Variants in HS3ST5 observed in about 807,000 individuals in gnomAD.
HS3ST5 encodes heparan sulfate glucosamine 3-O-sulfotransferase 5.
In HS3ST5, 10 loss-of-function variants were observed where a neutral mutation model predicts 25.4. The observed-to-expected ratio is 0.39, with a 90% CI of 0.24 to 0.67. HS3ST5 has a LOEUF of 0.67. Among genes scored for constraint, HS3ST5 ranks in the 30% least tolerant of loss-of-function variants. The pLI is 0.44. For synonymous variants in HS3ST5, 170 were observed against 162.4 expected, an observed-to-expected ratio of 1.05 and a Z score of -0.36; for missense variants, 324 against 420.7, an observed-to-expected ratio of 0.77 and a Z score of 2.01.
At chr6:114,288,768 A>T (rs368773336) in intron 1 of HS3ST5, among the ~76,000 whole-genome samples, 1 of 152,064 alleles carries the variant, frequency 6.6e-6, no homozygotes. Flanking sequence ...CCCAGAAATG[A>T]TTAGATGTTA....
chr6:114,229,839 C>G (rs1407932468), intron 1 of HS3ST5, among the ~76,000 whole-genome samples: 1 of 152,176 alleles, frequency 6.6e-6, no homozygotes, highest in Non-Finnish European at 1.5e-5. Context: ...ATGTAAAAGA[C>G]AATGGAAGTC....
chr6:114,114,065 A>G (rs1776400461), intron 3 of HS3ST5, among the ~76,000 whole-genome samples: 1 of 152,134 alleles, frequency 6.6e-6, no homozygotes, highest in African/African-American at 2.4e-5. Context: ...TTCTGCCATT[A>G]CAATGACAAG....
intron 3 of HS3ST5, among the ~76,000 whole-genome samples, chr6:114,137,291 C>G (rs919179099): frequency 2.0e-5 from 3 of 152,160 alleles, no homozygotes; most frequent in Non-Finnish European, 4.4e-5. Flanking sequence ...GGCTTTAACA[C>G]TTGGATACTA....
intron 3 of HS3ST5, among the ~76,000 whole-genome samples, chr6:114,099,006 C>A (rs1463866061): frequency 6.6e-6 from 1 of 151,950 alleles, no homozygotes; most frequent in Admixed American, 6.6e-5. Flanking sequence ...AATATATACC[C>A]GAAGTTAAAT....
intron 3 of HS3ST5, among the ~76,000 whole-genome samples, chr6:114,144,663 A>T (rs1778067817): frequency 6.6e-6 from 1 of 152,178 alleles, no homozygotes; most frequent in African/African-American, 2.4e-5. Context: ...AACATATTTT[A>T]ACCCCTGCTG....
chr6:114,070,613 G>A (rs957825557), intron 3 of HS3ST5, among the ~76,000 whole-genome samples: 3 of 152,130 alleles, frequency 2.0e-5, no homozygotes, highest in Admixed American at 6.6e-5. Flanking sequence ...GCTGGTCTTT[G>A]TAAGATCTTG....
chr6:114,154,936 C>T (rs902003114), intron 3 of HS3ST5, among the ~76,000 whole-genome samples: 7 of 152,120 alleles, frequency 4.6e-5, no homozygotes, highest in Admixed American at 6.6e-5. Context: ...TTATCTTTCC[C>T]GATTGCTCTG....
At chr6:114,105,872 G>T (rs902954629) in intron 3 of HS3ST5, among the ~76,000 whole-genome samples, 3 of 152,110 alleles carry the variant, frequency 2.0e-5, no homozygotes, top group Admixed American at 2.0e-4. Context: ...AACTACCTTA[G>T]ATCAAATTAA....
At chr6:114,236,688 G>A (rs989785696) in intron 1 of HS3ST5, among the ~76,000 whole-genome samples, 14 of 152,160 alleles carry the variant, frequency 9.2e-5, no homozygotes, top group Admixed American at 4.6e-4. Flanking sequence ...ATCTACTATC[G>A]TTTTCATTTA....
At chr6:114,185,063 G>T (rs915150184) in intron 2 of HS3ST5, among the ~76,000 whole-genome samples, 16 of 152,154 alleles carry the variant, frequency 1.1e-4, no homozygotes, top group Non-Finnish European at 2.2e-4. Flanking sequence ...ATGATATTTA[G>T]ATGATGTCCT....
intron 1 of HS3ST5, among the ~76,000 whole-genome samples, chr6:114,281,156 T>C (rs1256647898): frequency 6.6e-6 from 1 of 152,052 alleles, no homozygotes; most frequent in African/African-American, 2.4e-5. Flanking sequence ...TCTCCATCTC[T>C]GATCCCTTCC....
At chr6:114,215,087 C>T (rs1439489162) in intron 2 of HS3ST5, among the ~76,000 whole-genome samples, 3 of 152,032 alleles carry the variant, frequency 2.0e-5, no homozygotes, top group Non-Finnish European at 4.4e-5. Flanking sequence ...GGGCAGATCA[C>T]GAGGTCAGGA....
intron 4 of HS3ST5, among the ~76,000 whole-genome samples, chr6:114,060,285 T>C (rs1269034446): frequency 6.6e-6 from 1 of 152,148 alleles, no homozygotes; most frequent in Non-Finnish European, 1.5e-5. Context: ...GTGCTGGGAT[T>C]ACAGGCGTGA....
At chr6:114,215,051 A>G (rs1251340692) in intron 2 of HS3ST5, among the ~76,000 whole-genome samples, 2 of 152,122 alleles carry the variant, frequency 1.3e-5, no homozygotes, top group Non-Finnish European at 2.9e-5. Context: ...CATGCCTGTA[A>G]TCCCAGCAGT....
rs543185092 is a variant in HS3ST5 at position 114,244,235 on chromosome 6, C to T, written c.-338-15457G>A. ...ATTCACTATTATTTTTTAGCAATAC[C>T]ATCTCTCTTAGATTGGTGTTTGTGG... is the stretch of plus-strand genomic sequence containing the variant. On this transcript the variant is annotated intron_variant, in intron 1 of 4. Coordinates refer to ENST00000312719, the MANE Select transcript of HS3ST5 (RefSeq NM_153612.4). 1.5e-3 allele frequency among the ~76,000 whole-genome samples: 227 copies of T among 152,198 alleles called. 1 individual carries two copies. Among genetic ancestry groups the T allele is most frequent in the African/African-American group, 5.4e-3 (223 of 41,514 alleles).
chr6:114,153,676 T>C (rs1052059461), intron 3 of HS3ST5, among the ~76,000 whole-genome samples: 1 of 152,202 alleles, frequency 6.6e-6, no homozygotes, highest in African/African-American at 2.4e-5. Context: ...GTAAAAAACG[T>C]AAGTAATTTT....
At chr6:114,216,291 G>T (rs781468667) in intron 2 of HS3ST5, among the ~76,000 whole-genome samples, 1 of 152,198 alleles carries the variant, frequency 6.6e-6, no homozygotes, top group African/African-American at 2.4e-5. Flanking sequence ...ACTTGCAGCA[G>T]TCTCTTCTCA....
intron 2 of HS3ST5, among the ~76,000 whole-genome samples, chr6:114,220,308 A>T (rs1021189033): frequency 6.6e-6 from 1 of 151,972 alleles, no homozygotes; most frequent in Non-Finnish European, 1.5e-5. Flanking sequence ...TAATTATTTA[A>T]TTTTTTGCAT....
chr6:114,136,763 G>A (rs2114922558), intron 3 of HS3ST5, among the ~76,000 whole-genome samples: 2 of 152,214 alleles, frequency 1.3e-5, no homozygotes, highest in South Asian at 4.2e-4. Flanking sequence ...AGGCTGTTGT[G>A]GAATATTCAT....
Sources: allele counts gnomAD v4.1 joint callset (sites outside exome capture counted in the v4.1 genomes callset), GRCh38; gene constraint gnomAD v4.1.1; transcripts MANE v1.5; gene names NCBI Gene and HGNC (gene_info 2026-07-23, HGNC 2026-07-21).